The following TTF2 variants were observed in gnomAD, a reference collection of about 807,000 sequenced individuals.
TTF2 encodes the protein transcription termination factor 2.
In TTF2, 108 loss-of-function variants were observed where a neutral mutation model predicts 142.4. That is an observed-to-expected ratio of 0.76 (90% CI 0.65 to 0.89). TTF2 has a LOEUF of 0.89. Among genes scored for constraint, TTF2 ranks in the 40% least tolerant of loss-of-function variants. The pLI, the probability that TTF2 is intolerant of heterozygous loss-of-function variation, is 0.00. For missense variants in TTF2, 1,327 were observed against 1,379.8 expected (o/e 0.96, Z 0.61); for synonymous variants, 483 against 506.2 (o/e 0.95, Z 0.61).
At chr1:117,095,755 C>G (rs186689909) in intron 19 of TTF2, among the ~76,000 whole-genome samples, 1 of 152,208 alleles carries the variant, frequency 6.6e-6, no homozygotes, top group African/African-American at 2.4e-5. Flanking sequence ...ATTTAGAACT[C>G]GAATTAAGAC....
chr1:117,097,566 C>T lies in TTF2; in HGVS notation c.3269+133C>T. On this transcript the variant is annotated intron_variant, in intron 21 of 22. Coordinates refer to ENST00000369466, the MANE Select transcript of TTF2 (RefSeq NM_003594.4). The surrounding 1 kb of genome is among the most constrained non-coding windows in gnomAD (Gnocchi z 4.1). ...CAGAGATGCCTTGCTTTGTATGTGT[C>T]TATAGATACAGATCTAAGCAGGGTA... 2.4e-6 allele frequency: 2 copies of T among 832,094 alleles called. No individual in the cohort carries two copies. The highest frequency in any genetic ancestry group is 1.5e-5 in the South Asian group (1 of 66,246). 51.5% of individuals were successfully genotyped at this position (832,094 alleles called of 1,614,324 possible). A position where few individuals can be genotyped will look rare whatever the true frequency, so the allele number is the denominator to read the frequency against.
intron 11 of TTF2, among the ~76,000 whole-genome samples, chr1:117,084,731 C>T (rs758771754): frequency 3.3e-5 from 5 of 152,120 alleles, no homozygotes; most frequent in Non-Finnish European, 5.9e-5. Flanking sequence ...TAGTCCTAGT[C>T]TTTGTCTTTT....
chr1:117,089,404 T>C (rs1174843663), intron 13 of TTF2, among the ~76,000 whole-genome samples: 1 of 152,054 alleles, frequency 6.6e-6, no homozygotes, highest in Admixed American at 6.6e-5. Context: ...AATATTTCCA[T>C]TTGGCTGAGT....
rs994921840 is a variant in TTF2 at position 117,095,371 on chromosome 1, A to G, written c.3035+4A>G. 3 of 1,613,876 alleles carry G rather than the reference A, an allele frequency of 1.9e-6. No homozygotes were observed. The highest frequency in any genetic ancestry group is 2.5e-6 in the Non-Finnish European group (3 of 1,179,836). ...GAAATTCAGCATCCCAAAAGAGGTAACTGCGTTTTCTCATTATCCAAGTAT... is the reference window on the plus strand; with the variant it reads ...GAAATTCAGCATCCCAAAAGAGGTAGCTGCGTTTTCTCATTATCCAAGTAT... On this transcript the variant is annotated splice_donor_region_variant and intron_variant, in intron 19 of 22. Coordinates refer to ENST00000369466, the MANE Select transcript of TTF2 (RefSeq NM_003594.4).
chr1:117,062,266 C>T (rs1398510674), intron 2 of TTF2, 121 bp from the exon 3 acceptor site: 9 of 837,980 alleles, frequency 1.1e-5, no homozygotes, highest in Admixed American at 5.6e-5. Context: ...GTGGGAATTA[C>T]AAACCCAGTA....
chr1:117,103,621 T>A lies in TTF2; in HGVS notation c.*2097T>A, dbSNP rs1649747508. ...AATTCTAGTCTAGAACGTTTGAGAT[T>A]TGACTCTAGTTCTAGGTTCATCTTA... On this transcript the variant is annotated 3_prime_UTR_variant, in exon 23 of 23. Coordinates refer to ENST00000369466, the MANE Select transcript of TTF2 (RefSeq NM_003594.4). 1 of 152,208 alleles carries A rather than the reference T, an allele frequency of 6.6e-6. No homozygotes were observed. Among genetic ancestry groups the A allele is most frequent in the African/African-American group, 2.4e-5 (1 of 41,464 alleles). 9.4% of individuals were successfully genotyped at this position (152,208 alleles called of 1,614,324 possible). A position where few individuals can be genotyped will look rare whatever the true frequency, so the allele number is the denominator to read the frequency against.
intron 3 of TTF2, among the ~76,000 whole-genome samples, chr1:117,071,498 G>C (rs1011327654): frequency 3.9e-5 from 6 of 152,140 alleles, no homozygotes; most frequent in African/African-American, 1.4e-4. Flanking sequence ...AAAATCTCTG[G>C]AAAGGTAAAC....
chr1:117,061,325 A>G (rs1244157103), intron 2 of TTF2, among the ~76,000 whole-genome samples: 2 of 152,220 alleles, frequency 1.3e-5, no homozygotes, highest in East Asian at 3.8e-4. Flanking sequence ...AATGTTAAGC[A>G]TCTTCTCTAA....
intron 3 of TTF2, among the ~76,000 whole-genome samples, chr1:117,062,686 A>G (rs2101260061): frequency 6.6e-6 from 1 of 152,294 alleles, no homozygotes; most frequent in African/African-American, 2.4e-5. Flanking sequence ...TTTCACGTAA[A>G]TGGCTCCACA....
intron 3 of TTF2, among the ~76,000 whole-genome samples, chr1:117,067,365 A>G (rs1229430345): frequency 6.6e-6 from 1 of 151,914 alleles, no homozygotes; most frequent in Non-Finnish European, 1.5e-5. Flanking sequence ...AACTCTCTCT[A>G]CTAAAAATAC....
At position 117,075,083 on chromosome 1, in the gene TTF2, A is replaced by G. The variant is rs998532; in HGVS notation, c.499A>G (p.Lys167Glu). ...EKGDQLFDQKKEQKPEMMEKD... is the reference protein window; with the variant it reads ...EKGDQLFDQKEEQKPEMMEKD... ...GGGAGATCAGCTTTTCGATCAAAAG[A>G]AAGAACAGAAGCCTGAAATGATGGA... is the stretch of plus-strand genomic sequence containing the variant. The change falls in exon 5 of 23, where the codon AAA becomes GAA. Residue 167 changes from lysine (K) to glutamate (E), a missense_variant. By Grantham distance (56) the Lys-to-Glu change is moderately conservative. Coordinates refer to ENST00000369466, the MANE Select transcript of TTF2 (RefSeq NM_003594.4). This position sits in a 1 kb window ranked among gnomAD's most constrained non-coding sequence, Gnocchi z 4.5. The G allele has an allele frequency of 0.58, 933,461 of 1,613,750 alleles. 277,629 individuals are homozygous for G. Among genetic ancestry groups the G allele is most frequent in the East Asian group, 0.72 (32,464 of 44,848 alleles).
At chr1:117,078,539 G>A (rs993770800) in intron 8 of TTF2, among the ~76,000 whole-genome samples, 1 of 152,178 alleles carries the variant, frequency 6.6e-6, no homozygotes, top group African/African-American at 2.4e-5. Flanking sequence ...GGAATAAAAC[G>A]CTGCAATTAG....
chr1:117,092,906 T>C lies in TTF2; in HGVS notation c.2976+5T>C. 6.2e-7 allele frequency: 1 copy of C among 1,614,094 alleles called. No individual in the cohort carries two copies. Among genetic ancestry groups the C allele is most frequent in the Non-Finnish European group, 8.5e-7 (1 of 1,179,976 alleles). On this transcript the variant is annotated splice_donor_5th_base_variant and intron_variant, in intron 18 of 22. Coordinates refer to ENST00000369466, the MANE Select transcript of TTF2 (RefSeq NM_003594.4). The surrounding 1 kb of genome is among the most constrained non-coding windows in gnomAD (Gnocchi z 4.4). ...GGCATGCGAGAGAGCACCAAGGTAC[T>C]TTTTGTCTCCTCTGTAGTAGTCGAG... is the stretch of plus-strand genomic sequence containing the variant.
rs1656966974 is a variant in TTF2, at chr1:117,075,853, A to G, written c.1269A>G (p.Gln423=). The G allele has an allele frequency of 6.2e-7, 1 of 1,603,020 alleles. No homozygotes were observed. Among genetic ancestry groups the G allele is most frequent in the African/African-American group, 1.3e-5 (1 of 74,200 alleles). The change falls in exon 5 of 23, where the codon CAA becomes CAG. Residue 423 remains glutamine, a synonymous_variant. Transcript: ENST00000369466. The surrounding 1 kb of genome is among the most constrained non-coding windows in gnomAD (Gnocchi z 4.5). ...RRVYLTTQLK[Q]KKSTLASVNI... is the part of the protein sequence containing the mutation. ...TCTACCTTACAACACAACTGAAACA[A>G]AAGAAGGTAACTATTGACTCGTGTT... is the stretch of plus-strand genomic sequence containing the variant.
At chr1:117,078,100 T>G in intron 8 of TTF2, 57 bp downstream of exon 8, 1 of 1,584,134 alleles carries the variant, frequency 6.3e-7, no homozygotes, top group Non-Finnish European at 8.6e-7. Flanking sequence ...AGCAGCCCCA[T>G]GAAACTGCTG....
chr1:117,091,611 C>T lies in TTF2; in HGVS notation c.2671+201C>T, dbSNP rs114039243. ...GCTTCTTTTTAATTGTTTCCTAAATCTGCTTTATTAAAATGCAGGTAGTTC... is the reference window on the plus strand; with the variant it reads ...GCTTCTTTTTAATTGTTTCCTAAATTTGCTTTATTAAAATGCAGGTAGTTC... On this transcript the variant is annotated intron_variant, in intron 16 of 22. Coordinates refer to ENST00000369466, the MANE Select transcript of TTF2 (RefSeq NM_003594.4). Among the ~76,000 whole-genome samples the T allele has an allele frequency of 3.3e-3, 509 of 152,270 alleles. 3 individuals are homozygous for T. The highest frequency in any genetic ancestry group is 0.011 in the African/African-American group (464 of 41,544).
At chr1:117,061,080 G>A (rs1536158) in intron 2 of TTF2, among the ~76,000 whole-genome samples, 8,055 of 152,258 alleles carry the variant, frequency 0.053, 289 homozygotes, top group Non-Finnish European at 0.078. Context: ...ATAATTCAAA[G>A]AAATTAGCGC....
rs546571656 is a variant in TTF2 at position 117,076,943 on chromosome 1, A to G, written c.1573+120A>G. 27 of 857,180 alleles carry G rather than the reference A, an allele frequency of 3.1e-5. No homozygotes were observed. In the African/African-American group the frequency reaches 4.2e-4, roughly 13 times the overall value. 53.1% of individuals were successfully genotyped at this position (857,180 alleles called of 1,614,324 possible). A position where few individuals can be genotyped will look rare whatever the true frequency, so the allele number is the denominator to read the frequency against. ...TAACCTTAGTCACCTGTGGTTCAAA[A>G]AAAGGTGAGTACAGTACAGTAAGAT... is the stretch of plus-strand genomic sequence containing the variant. On this transcript the variant is annotated intron_variant, in intron 7 of 22. Transcript: ENST00000369466. The surrounding 1 kb of genome is among the most constrained non-coding windows in gnomAD (Gnocchi z 4.6).
rs12043299 is a variant in TTF2, at chr1:117,090,883, A to G, written c.2588+260A>G. On this transcript the variant is annotated intron_variant, in intron 15 of 22. Transcript: ENST00000369466. The surrounding 1 kb of genome is among the most constrained non-coding windows in gnomAD (Gnocchi z 4.8). ...ATAGAAGTCATAGGGTGTGGTCACC[A>G]TATACTGAATCTGTCTGGTCCTCAT... 0.085 allele frequency among the ~76,000 whole-genome samples: 12,898 copies of G among 152,108 alleles called. 915 individuals are homozygous for G. Among genetic ancestry groups the G allele is most frequent in the African/African-American group, 0.18 (7,666 of 41,462 alleles).
Sources: allele counts gnomAD v4.1 joint callset (sites outside exome capture counted in the v4.1 genomes callset), GRCh38; gene constraint gnomAD v4.1.1; non-coding constraint Gnocchi (gnomAD v3.1); transcripts MANE v1.5; gene names NCBI Gene and HGNC (gene_info 2026-07-23, HGNC 2026-07-21).